The following PCDH15 variants were observed in gnomAD, a reference collection of about 807,000 sequenced individuals.
The protein encoded by PCDH15 is protocadherin-15.
PCDH15 carries 129 observed loss-of-function variants against 178.5 expected under a neutral mutation model. The ratio of observed to expected loss-of-function variants is 0.72; its 90% CI spans 0.63 to 0.84. The LOEUF (loss-of-function observed/expected upper bound fraction) is 0.84, where lower values mean the gene tolerates loss of function less well. Ranked by LOEUF, PCDH15 falls within the 40% of genes least tolerant of loss-of-function variation. PCDH15 has a pLI of 0.00. For missense variants in PCDH15, 2,230 were observed against 2,099.9 expected, an observed-to-expected ratio of 1.06 and a Z score of -1.21; for synonymous variants, 800 against 732.0, an observed-to-expected ratio of 1.09 and a Z score of -1.50.
At chr10:54,995,780 G>T (rs1395637776) in intron 2 of PCDH15, among the ~76,000 whole-genome samples, 1 of 151,504 alleles carries the variant, frequency 6.6e-6, no homozygotes, top group Non-Finnish European at 1.5e-5. Context: ...ACTGCATCTG[G>T]ACGATGAGAT....
At chr10:55,005,228 T>TAATAATAATAATAATAATAATAATAATAA (rs1564708136) in intron 2 of PCDH15, among the ~76,000 whole-genome samples, 2 of 147,896 alleles carry the variant, frequency 1.4e-5, no homozygotes, top group African/African-American at 5.1e-5. Context: ...ATAATAATAA[T>TAATAATAATAATAATAATAATAATAATAA]CAATGGAGCC....
intron 2 of PCDH15, among the ~76,000 whole-genome samples, chr10:55,378,877 ATCTCTCTCTC>A (rs67020951): frequency 7.2e-5 from 9 of 124,190 alleles, no homozygotes; most frequent in South Asian, 5.6e-4. Flanking sequence ...AACTCTCCCC[ATCTCTCTCTC>A]TCTCTCTCTC....
chr10:54,024,008 T>C (rs866851103), intron 18 of PCDH15, among the ~76,000 whole-genome samples: 1 of 152,130 alleles, frequency 6.6e-6, no homozygotes, highest in Admixed American at 6.6e-5. Flanking sequence ...GTAATGTATG[T>C]GCAAGGGACT....
chr10:54,811,629 C>T (rs1332287042), intron 3 of PCDH15, among the ~76,000 whole-genome samples: 1 of 152,072 alleles, frequency 6.6e-6, no homozygotes, highest in Non-Finnish European at 1.5e-5. Context: ...CGCCACGACG[C>T]CCCGCAATTT....
At chr10:54,332,628 T>A in intron 6 of PCDH15, among the ~76,000 whole-genome samples, 1 of 151,566 alleles carries the variant, frequency 6.6e-6, no homozygotes, top group East Asian at 1.9e-4. Context: ...GATCTCACAT[T>A]ATTTTTTCCA....
At chr10:55,556,672 A>C (rs1054008558) in intron 2 of PCDH15, among the ~76,000 whole-genome samples, 3 of 151,828 alleles carry the variant, frequency 2.0e-5, no homozygotes, top group Non-Finnish European at 4.4e-5. Flanking sequence ...CCCGCAAAGA[A>C]AAAAAAAGGT....
chr10:53,902,598 G>A (rs528053060), intron 26 of PCDH15, among the ~76,000 whole-genome samples: 3 of 152,048 alleles, frequency 2.0e-5, no homozygotes, highest in East Asian at 1.9e-4. Flanking sequence ...GTAATACACA[G>A]TTGATTAGAA....
At position 54,527,831 on chromosome 10, in the gene PCDH15, A is replaced by C; in HGVS notation, c.138T>G (p.Ile46Met). 6.2e-7 allele frequency: 1 copy of C among 1,611,242 alleles called. No homozygotes were observed. Among genetic ancestry groups the C allele is most frequent in the Non-Finnish European group, 8.5e-7 (1 of 1,178,122 alleles). ...RGGPPATIVA[I>M]DEESRNGTIL... Reference sequence around the variant, plus strand: ...ACTTACCATTCCGACTTTCTTCATCAATAGCAACTATGGTAGCTGGTGGTC... The same window carrying C: ...ACTTACCATTCCGACTTTCTTCATCCATAGCAACTATGGTAGCTGGTGGTC... Residue 46 changes from isoleucine (I) to methionine (M), a missense_variant, in exon 3 of 38, where the codon ATT (isoleucine) becomes ATG (methionine). Physicochemically the swap from Ile to Met is conservative, Grantham distance 10. Coordinates refer to ENST00000644397, the MANE Select transcript of PCDH15 (RefSeq NM_001384140.1).
chr10:54,917,423 A>G (rs981876374), intron 2 of PCDH15, among the ~76,000 whole-genome samples: 12 of 152,210 alleles, frequency 7.9e-5, no homozygotes, highest in African/African-American at 2.7e-4. Context: ...GATGACTTCA[A>G]TAAGGGACTC....
intron 15 of PCDH15, among the ~76,000 whole-genome samples, chr10:54,095,877 C>T (rs1273293371): frequency 6.6e-6 from 1 of 151,956 alleles, no homozygotes; most frequent in Non-Finnish European, 1.5e-5. Flanking sequence ...CTAAAATAAG[C>T]CTGCAATTCT....
chr10:54,066,837 C>A lies in PCDH15; in HGVS notation c.2140G>T (p.Ala714Ser). Reference protein sequence around the residue: ...NIVVTDVNDNAPVFDPYLPRN... With the variant: ...NIVVTDVNDNSPVFDPYLPRN... ...GGCAGATAAGGATCAAACACTGGAG[C>A]ATTGTCATTGACATCTGTCACCACT... Residue 714 changes from alanine (A) to serine (S), a missense_variant, in exon 18 of 38, where the codon GCT becomes TCT. Physicochemically the swap from Ala to Ser is moderately conservative, Grantham distance 99. Coordinates refer to ENST00000644397, the MANE Select transcript of PCDH15 (RefSeq NM_001384140.1). The A allele has an allele frequency of 1.2e-6, 2 of 1,613,366 alleles. No individual in the cohort carries two copies. The highest frequency in any genetic ancestry group is 1.7e-6 in the Non-Finnish European group (2 of 1,179,538).
At chr10:55,028,375 C>A (rs1922155) in intron 2 of PCDH15, among the ~76,000 whole-genome samples, 1 of 151,400 alleles carries the variant, frequency 6.6e-6, no homozygotes, top group African/African-American at 2.4e-5. Flanking sequence ...ATAAGAATAC[C>A]GTCTGAGCTC....
In PCDH15 at chr10:54,717,748, A is replaced by G. The variant is rs1221212255; in HGVS notation, c.-28-53458T>C. 4.2e-5 allele frequency among the ~76,000 whole-genome samples: 6 copies of G among 142,656 alleles called. 1 individual carries two copies. The highest frequency in any genetic ancestry group is 9.1e-5 in the Non-Finnish European group (6 of 65,650). 93.6% of individuals were successfully genotyped at this position (142,656 alleles called of 152,430 possible). A position where few individuals can be genotyped will look rare whatever the true frequency, so the allele number is the denominator to read the frequency against. On this transcript the variant is annotated intron_variant, in intron 1 of 37. Coordinates refer to ENST00000644397, the MANE Select transcript of PCDH15 (RefSeq NM_001384140.1). ...ACTGGAAATACCATTTGACCCAGCC[A>G]TCCCATTACTGGGTATATACCCAAA...
chr10:55,595,783 G>A (rs1198766832), intron 2 of PCDH15, among the ~76,000 whole-genome samples: 1 of 151,928 alleles, frequency 6.6e-6, no homozygotes, highest in Non-Finnish European at 1.5e-5. Flanking sequence ...CTAGTGCTCA[G>A]CCTTATTTGA....
intron 2 of PCDH15, among the ~76,000 whole-genome samples, chr10:55,371,275 T>C (rs1280956972): frequency 6.6e-6 from 1 of 152,046 alleles, no homozygotes; most frequent in Non-Finnish European, 1.5e-5. Flanking sequence ...ATTACCACAT[T>C]TCTGGCAACT....
chr10:55,350,801 G>GT (rs1253633291), intron 2 of PCDH15, among the ~76,000 whole-genome samples: 2 of 151,782 alleles, frequency 1.3e-5, no homozygotes, highest in Non-Finnish European at 2.9e-5. Flanking sequence ...TTCTTTTCTT[G>GT]TTTTTTTACA....
At chr10:55,596,729 G>A (rs1842942349) in intron 2 of PCDH15, among the ~76,000 whole-genome samples, 1 of 151,990 alleles carries the variant, frequency 6.6e-6, no homozygotes, top group South Asian at 2.1e-4. Flanking sequence ...ATTTTTAATT[G>A]AAAGAGTAAT....
chr10:53,811,670 T>G (rs2075870014), intron 35 of PCDH15, 51 bp from the exon 36 acceptor site: 1 of 1,230,348 alleles, frequency 8.1e-7, no homozygotes, highest in African/African-American at 1.5e-5. Context: ...TTATCACGTT[T>G]CAGGTCAAAG....
At chr10:54,740,840 C>A (rs554632295) in intron 1 of PCDH15, among the ~76,000 whole-genome samples, 1 of 151,990 alleles carries the variant, frequency 6.6e-6, no homozygotes, top group East Asian at 1.9e-4. Context: ...GAGATAATGA[C>A]TATAACAGTG....
Sources: allele counts gnomAD v4.1 joint callset (sites outside exome capture counted in the v4.1 genomes callset), GRCh38; gene constraint gnomAD v4.1.1; transcripts MANE v1.5; gene names NCBI Gene and HGNC (gene_info 2026-07-23, HGNC 2026-07-21).